KANK1: variants seen among roughly 807,000 people sequenced by gnomAD.
KANK1 encodes the protein KN motif and ankyrin repeat domains 1.
KANK1 carries 109 observed loss-of-function variants against 106.2 expected under a neutral mutation model. That is an observed-to-expected ratio of 1.03 (90% CI 0.88 to 1.20). The LOEUF is 1.20. Among genes scored for constraint, KANK1 ranks in the 50% most tolerant of loss-of-function variants. The probability of loss-of-function intolerance (pLI) is 0.00; values close to 1 mark genes in which losing one functional copy is unlikely to be tolerated. For synonymous variants in KANK1, 873 were observed against 652.2 expected (o/e 1.34, Z -5.16); for missense variants, 2,399 against 1,710.7 (o/e 1.40, Z -7.10).
chr9:557,857 T>C (rs1024215152), intron 1 of KANK1, among the ~76,000 whole-genome samples: 3 of 152,120 alleles, frequency 2.0e-5, no homozygotes, highest in Non-Finnish European at 2.9e-5. Context: ...TTAATTAAAT[T>C]AGCTGGGCAT....
At chr9:574,781 G>C (rs1271245245) in intron 1 of KANK1, among the ~76,000 whole-genome samples, 2 of 150,012 alleles carry the variant, frequency 1.3e-5, no homozygotes, top group African/African-American at 4.9e-5. Context: ...CTGACCCTGC[G>C]AGGTGGGAGG....
intron 1 of KANK1, among the ~76,000 whole-genome samples, chr9:549,935 A>AG (rs2061171665): frequency 6.6e-6 from 1 of 152,070 alleles, no homozygotes; most frequent in African/African-American, 2.4e-5. Flanking sequence ...TCCTGGGTTG[A>AG]GGGGGCAGTG....
intron 2 of KANK1, among the ~76,000 whole-genome samples, chr9:689,417 T>C (rs1163000246): frequency 6.6e-6 from 1 of 152,160 alleles, no homozygotes; most frequent in African/African-American, 2.4e-5. Flanking sequence ...ACCCTCCTCA[T>C]GTGGAAGGCA....
chr9:609,850 C>G (rs1039456010), intron 1 of KANK1, among the ~76,000 whole-genome samples: 1 of 152,086 alleles, frequency 6.6e-6, no homozygotes, highest in South Asian at 2.1e-4. Context: ...TATTTATTCA[C>G]TAAAGAAAAT....
intron 1 of KANK1, among the ~76,000 whole-genome samples, chr9:577,137 C>G (rs535632423): frequency 1.3e-5 from 2 of 152,124 alleles, no homozygotes; most frequent in African/African-American, 2.4e-5. Context: ...TTGTGAAGAG[C>G]GAAAGAACAA....
At chr9:472,045 G>A (rs2058031444) in intron 2 of KANK1, among the ~76,000 whole-genome samples, 1 of 152,122 alleles carries the variant, frequency 6.6e-6, no homozygotes, top group African/African-American at 2.4e-5. Context: ...TGCTCTCCCA[G>A]AGTCACATCC....
intron 1 of KANK1, among the ~76,000 whole-genome samples, chr9:640,672 C>T (rs909918572): frequency 2.0e-5 from 3 of 151,662 alleles, no homozygotes; most frequent in Admixed American, 6.6e-5. Flanking sequence ...GCTGGGTTTA[C>T]AGGTGTGAGC....
At chr9:637,153 A>G (rs77616144) in intron 1 of KANK1, among the ~76,000 whole-genome samples, 3,627 of 152,272 alleles carry the variant, frequency 0.024, 162 homozygotes, top group African/African-American at 0.083. Flanking sequence ...GGTAATTGGA[A>G]GAGTTGTCCT....
chr9:735,186 C>T (rs1178919386), intron 7 of KANK1, among the ~76,000 whole-genome samples: 1 of 152,144 alleles, frequency 6.6e-6, no homozygotes, highest in Non-Finnish European at 1.5e-5. Flanking sequence ...CAGGGAGCAG[C>T]ATCCAAGAAT....
At chr9:622,913 A>G (rs1230002442) in intron 1 of KANK1, among the ~76,000 whole-genome samples, 2 of 152,112 alleles carry the variant, frequency 1.3e-5, no homozygotes, top group Non-Finnish European at 2.9e-5. Flanking sequence ...AAAAAAAAGA[A>G]AAGAAAGACT....
chr9:595,472 G>A (rs1389360668), intron 1 of KANK1, among the ~76,000 whole-genome samples: 1 of 151,890 alleles, frequency 6.6e-6, no homozygotes. Context: ...AAATGAGCCT[G>A]CTGCGATATA....
chr9:578,667 C>G (rs1187325096), intron 1 of KANK1, among the ~76,000 whole-genome samples: 2 of 152,018 alleles, frequency 1.3e-5, no homozygotes, highest in South Asian at 2.1e-4. Context: ...AGGAAAAAAT[C>G]AAGCATGACA....
intron 1 of KANK1, among the ~76,000 whole-genome samples, chr9:646,317 C>G (rs1026126958): frequency 2.0e-5 from 3 of 150,308 alleles, no homozygotes; most frequent in East Asian, 1.9e-4. Context: ...GGCAACATAG[C>G]AAGACCTATA....
chr9:557,756 G>C (rs777204357), intron 1 of KANK1, among the ~76,000 whole-genome samples: 1 of 152,196 alleles, frequency 6.6e-6, no homozygotes, highest in Non-Finnish European at 1.5e-5. Context: ...ACGGCCAGGT[G>C]TGGTGGCTGA....
intron 1 of KANK1, among the ~76,000 whole-genome samples, chr9:592,269 C>G (rs1825105482): frequency 6.6e-6 from 1 of 151,916 alleles, no homozygotes; most frequent in Non-Finnish European, 1.5e-5. Context: ...AGTTAGTTTA[C>G]TTAGGCCTCA....
chr9:565,872 T>A lies in KANK1; in HGVS notation c.-84+61118T>A, dbSNP rs148800193. ...TTATACCTACGCTTTTAACAAAACT[T>A]TTATTTTAGGTTCAGGGGTGCATGT... is the stretch of plus-strand genomic sequence containing the variant. On this transcript the variant is annotated intron_variant, in intron 1 of 11. Transcript: ENST00000382297. Among the ~76,000 whole-genome samples, 133 of 152,244 alleles carry A rather than the reference T, an allele frequency of 8.7e-4. 2 individuals are homozygous for A. Among genetic ancestry groups the A allele is most frequent in the African/African-American group, 3.0e-3 (125 of 41,560 alleles).
chr9:593,723 A>G (rs1825550311), intron 1 of KANK1, among the ~76,000 whole-genome samples: 1 of 151,858 alleles, frequency 6.6e-6, no homozygotes, highest in African/African-American at 2.4e-5. Flanking sequence ...GATGATTTCC[A>G]TCCCACGACA....
intron 1 of KANK1, among the ~76,000 whole-genome samples, chr9:573,996 G>A (rs769283811): frequency 1.1e-4 from 17 of 152,256 alleles, no homozygotes; most frequent in Non-Finnish European, 2.4e-4. Flanking sequence ...TTAATGGGCT[G>A]TGCCCATCCG....
At chr9:648,959 G>T (rs781425065) in intron 1 of KANK1, among the ~76,000 whole-genome samples, 2 of 152,102 alleles carry the variant, frequency 1.3e-5, no homozygotes, top group Non-Finnish European at 2.9e-5. Flanking sequence ...GTATTATTAG[G>T]AGACTCTCAT....
Sources: gnomAD v4.1 joint callset for allele counts (sites outside exome capture counted in the v4.1 genomes callset) on GRCh38, gnomAD v4.1.1 for gene constraint, MANE v1.5 for transcripts, NCBI Gene and HGNC (gene_info 2026-07-23, HGNC 2026-07-21) for gene names.